HCFC2: variants seen among roughly 807,000 people sequenced by gnomAD.
The protein encoded by HCFC2 is host cell factor 2.
A neutral mutation model predicts 89.2 loss-of-function variants in HCFC2; 18 were observed. The ratio of observed to expected loss-of-function variants is 0.20; its 90% confidence interval spans 0.14 to 0.30. The LOEUF (loss-of-function observed/expected upper bound fraction) is 0.30, where lower values mean the gene tolerates loss of function less well. HCFC2 is among the 10% of genes least tolerant of loss of function. The pLI is 1.00. For missense variants in HCFC2, 578 were observed against 956.1 expected (o/e 0.60, Z 5.21); for synonymous variants, 308 against 335.7 (o/e 0.92, Z 0.90).
rs1273579970 is a variant in HCFC2 at position 104,095,383 on chromosome 12, G to C, written c.1486G>C (p.Gly496Arg). The change falls in exon 11 of 15, where the codon GGT becomes CGT. Residue 496 changes from glycine (G) to arginine (R), a missense_variant. Transcript: ENST00000229330. The surrounding 1 kb of genome is among the most constrained non-coding windows in gnomAD (Gnocchi z 4.2). ...AGGTCCTCACACTTCAGCAAATGTA[G>C]GTGTTCTAAGTAGTTGCCTGGATGT... is the stretch of plus-strand genomic sequence containing the variant. ...NEGPHTSANVGVLSSCLDVRT... is the reference protein window; with the variant it reads ...NEGPHTSANVRVLSSCLDVRT... The C allele has an allele frequency of 2.5e-6, 4 of 1,613,034 alleles. No individual in the cohort carries two copies. The highest frequency in any genetic ancestry group is 2.2e-5 in the East Asian group (1 of 44,806).
At chr12:104,092,296 T>A (rs901195686) in intron 9 of HCFC2, among the ~76,000 whole-genome samples, 1 of 152,018 alleles carries the variant, frequency 6.6e-6, no homozygotes, top group Admixed American at 6.6e-5. Flanking sequence ...CAAAACCTCA[T>A]CTCTACAAAA....
At chr12:104,094,803 C>T (rs1013521221) in intron 10 of HCFC2, among the ~76,000 whole-genome samples, 9 of 152,092 alleles carry the variant, frequency 5.9e-5, no homozygotes, top group African/African-American at 1.9e-4. Context: ...ATGATGTTTA[C>T]GAGCCAAGGA....
Position 104,098,667 on chromosome 12 carries a change from T to C in HCFC2, c.1878+187T>C, listed in dbSNP as rs1254364216. Among the ~76,000 whole-genome samples, 4 of 152,204 alleles carry C rather than the reference T, an allele frequency of 2.6e-5. No homozygotes were observed. The East Asian group carries it at 5.8e-4, about 22-fold the overall frequency. On this transcript the variant is annotated intron_variant, in intron 13 of 14. Coordinates refer to ENST00000229330, the MANE Select transcript of HCFC2 (RefSeq NM_013320.3). ...AATCTATATAATTGAGAATTCTGTA[T>C]ACCAAATGTATTAGGCCATTCTCGC... is the stretch of plus-strand genomic sequence containing the variant.
At chr12:104,096,482 T>C in intron 12 of HCFC2, 49 bp downstream of exon 12, 1 of 1,253,712 alleles carries the variant, frequency 8.0e-7, no homozygotes, top group Non-Finnish European at 1.2e-6. Context: ...GATTATGTAC[T>C]TTTAAATGCT....
intron 7 of HCFC2, among the ~76,000 whole-genome samples, chr12:104,085,141 C>T (rs953263195): frequency 6.6e-6 from 1 of 152,126 alleles, no homozygotes; most frequent in Non-Finnish European, 1.5e-5. Context: ...CTTGGAAGGA[C>T]ACACACCAAA....
At position 104,079,573 on chromosome 12, in the gene HCFC2, A is replaced by C; in HGVS notation, c.602A>C (p.Lys201Thr). Reference sequence around the variant, plus strand: ...CACACAGCTGTTATATATTGCAAAAAAGATTCTGGAAGTCCTAAAATGTAT... The same window carrying C: ...CACACAGCTGTTATATATTGCAAAACAGATTCTGGAAGTCCTAAAATGTAT... The part of the protein sequence containing the change: ...ESHTAVIYCK[K>T]DSGSPKMYVF... Residue 201 changes from lysine (K) to threonine (T), a missense_variant, in exon 4 of 15, where the codon AAA becomes ACA. Coordinates refer to ENST00000229330, the MANE Select transcript of HCFC2 (RefSeq NM_013320.3). 1 of 1,614,176 alleles carries C rather than the reference A, an allele frequency of 6.2e-7. No homozygotes were observed. Among genetic ancestry groups the C allele is most frequent in the Non-Finnish European group, 8.5e-7 (1 of 1,180,012 alleles).
chr12:104,075,563 A>G (rs1003423724), intron 3 of HCFC2, among the ~76,000 whole-genome samples: 13 of 150,062 alleles, frequency 8.7e-5, no homozygotes, highest in Non-Finnish European at 1.9e-4. Flanking sequence ...GGTTCAAGCT[A>G]TACTCCCACC....
At chr12:104,074,929 T>C (rs1295048842) in intron 3 of HCFC2, among the ~76,000 whole-genome samples, 10 of 152,220 alleles carry the variant, frequency 6.6e-5, no homozygotes, top group African/African-American at 2.4e-4. Flanking sequence ...CTGGGATTGG[T>C]ATATGATCTT....
In HCFC2 at chr12:104,082,436, C is replaced by G. The variant is rs1006928636; in HGVS notation, c.768-64C>G. The stretch of plus-strand genomic sequence containing the variant: ...TGATAGGAAATTTTTCTATTCTTAG[C>G]ACTTCAAATCCAAGAAGTAAAATGA... On this transcript the variant is annotated intron_variant, in intron 5 of 14. Transcript: ENST00000229330. 12 of 1,019,136 alleles carry G rather than the reference C, an allele frequency of 1.2e-5. No individual in the cohort carries two copies. In the African/African-American group the frequency reaches 1.9e-4, roughly 16 times the overall value. The allele number at this position is 1,019,136 out of a possible 1,614,324, so 63.1% of individuals were successfully genotyped here. A position where few individuals can be genotyped will look rare whatever the true frequency, so the allele number is the denominator to read the frequency against.
chr12:104,065,853 A>G (rs986154401), intron 1 of HCFC2, among the ~76,000 whole-genome samples: 4 of 152,186 alleles, frequency 2.6e-5, no homozygotes, highest in Admixed American at 2.0e-4. Context: ...AATGATACAG[A>G]TCAGGGTTTT....
chr12:104,064,879 C>A lies in HCFC2; in HGVS notation c.163+156C>A. 1.7e-6 allele frequency: 1 copy of A among 595,442 alleles called. No homozygotes were observed. The highest frequency in any genetic ancestry group is 2.6e-6 in the Non-Finnish European group (1 of 379,190). The allele number at this position is 595,442 out of a possible 1,614,324, so 36.9% of individuals were successfully genotyped here. A position where few individuals can be genotyped will look rare whatever the true frequency, so the allele number is the denominator to read the frequency against. ...GCGGCTCAGCCGGGCAGCCCGGGTC[C>A]GGCAGCTCTGTCCCGGACCGCAGCT... On this transcript the variant is annotated intron_variant, in intron 1 of 14. Coordinates refer to ENST00000229330, the MANE Select transcript of HCFC2 (RefSeq NM_013320.3). This position sits in a 1 kb window ranked among gnomAD's most constrained non-coding sequence, Gnocchi z 7.3.
intron 9 of HCFC2, among the ~76,000 whole-genome samples, chr12:104,088,902 CAGT>C (rs879526090): frequency 2.0e-5 from 3 of 152,222 alleles, no homozygotes; most frequent in African/African-American, 7.2e-5. Context: ...TGATGAAGAG[CAGT>C]AGTTTCCTAC....
Position 104,079,565 on chromosome 12 carries a change from T to C in HCFC2, c.594T>C (p.Tyr198=), listed in dbSNP as rs746950480. The stretch of plus-strand genomic sequence containing the variant: ...GAGAATCCCACACAGCTGTTATATA[T>C]TGCAAAAAAGATTCTGGAAGTCCTA... ...SPRESHTAVI[Y]CKKDSGSPKM... The change falls in exon 4 of 15, where the codon TAT becomes TAC. Residue 198 remains tyrosine, a synonymous_variant. Transcript: ENST00000229330. 3.1e-6 allele frequency: 5 copies of C among 1,614,074 alleles called. No individual in the cohort carries two copies. The highest frequency in any genetic ancestry group is 1.7e-6 in the Non-Finnish European group (2 of 1,179,978).
Position 104,103,632 on chromosome 12 carries a change from C to T in HCFC2, c.*359C>T. ...GATTCTGGTAACTGGCTGTTGTATA[C>T]TATGCTGTCTTATATAGTAAATGTT... On this transcript the variant is annotated 3_prime_UTR_variant, in exon 15 of 15. Coordinates refer to ENST00000229330, the MANE Select transcript of HCFC2 (RefSeq NM_013320.3). The T allele has an allele frequency of 4.6e-6, 1 of 217,612 alleles. No homozygotes were observed. The highest frequency in any genetic ancestry group is 2.3e-5 in the African/African-American group (1 of 43,202). 13.5% of individuals were successfully genotyped at this position (217,612 alleles called of 1,614,324 possible).
intron 5 of HCFC2, among the ~76,000 whole-genome samples, chr12:104,081,957 T>C (rs1253930670): frequency 1.3e-5 from 2 of 150,936 alleles, no homozygotes; most frequent in Non-Finnish European, 3.0e-5. Context: ...AAAATAGATC[T>C]GGTTGACATC....
In HCFC2 at chr12:104,068,349, GA is replaced by G. The variant is rs1281259336; in HGVS notation, c.473+245del. ...CAAAAAAACTGTGTCTTTCTAATGA[GA>G]AATCATCTTATTAAATTAATATTAA... On this transcript the variant is annotated intron_variant, in intron 3 of 14. Coordinates refer to ENST00000229330, the MANE Select transcript of HCFC2 (RefSeq NM_013320.3). This position sits in a 1 kb window ranked among gnomAD's most constrained non-coding sequence, Gnocchi z 4.1. Among the ~76,000 whole-genome samples, 1 of 152,052 alleles carries G rather than the reference GA, an allele frequency of 6.6e-6. No homozygotes were observed. Among genetic ancestry groups the G allele is most frequent in the East Asian group, 1.9e-4 (1 of 5,192 alleles).
chr12:104,104,262 GT>G lies in HCFC2; in HGVS notation c.*993del, dbSNP rs2030030223. 6.6e-6 allele frequency: 1 copy of G among 151,886 alleles called. No homozygotes were observed. Among genetic ancestry groups the G allele is most frequent in the South Asian group, 2.1e-4 (1 of 4,834 alleles). The allele number at this position is 151,886 out of a possible 1,614,324, so 9.4% of individuals were successfully genotyped here. A position where few individuals can be genotyped will look rare whatever the true frequency, so the allele number is the denominator to read the frequency against. ...TAAGATTTTTGTAAATGCTCTAAATGTTTTATTTTTGCATTGTTTTTACCTT... is the reference window on the plus strand; with the variant it reads ...TAAGATTTTTGTAAATGCTCTAAATGTTTATTTTTGCATTGTTTTTACCTT... On this transcript the variant is annotated 3_prime_UTR_variant, in exon 15 of 15. Transcript: ENST00000229330.
At chr12:104,082,966 G>T in intron 7 of HCFC2, 65 bp downstream of exon 7, 1 of 1,150,766 alleles carries the variant, frequency 8.7e-7, no homozygotes. Context: ...TCTGCCTTTT[G>T]AGACTTACTG....
At chr12:104,090,639 C>T (rs924097693) in intron 9 of HCFC2, among the ~76,000 whole-genome samples, 13 of 152,038 alleles carry the variant, frequency 8.6e-5, no homozygotes, top group Non-Finnish European at 4.4e-5. Context: ...CTGTTAATAG[C>T]ACCCTATTCT....
Sources: gnomAD v4.1 joint callset for allele counts (sites outside exome capture counted in the v4.1 genomes callset) on GRCh38, gnomAD v4.1.1 for gene constraint, Gnocchi (gnomAD v3.1) non-coding constraint, MANE v1.5 for transcripts, NCBI Gene and HGNC (gene_info 2026-07-23, HGNC 2026-07-21) for gene names.